Variants in ZSCAN5A observed in about 807,000 individuals in gnomAD.
ZSCAN5A encodes the protein zinc finger and SCAN domain containing 5A.
Under a neutral mutation model 23.7 loss-of-function variants are expected in ZSCAN5A, and 12 were observed. The observed-to-expected ratio is 0.51, with a 90% CI of 0.32 to 0.82. The LOEUF is 0.82. Ranked by LOEUF, ZSCAN5A falls within the 40% of genes least tolerant of loss-of-function variation. The pLI is 0.03. For synonymous variants in ZSCAN5A, 257 were observed against 239.9 expected (o/e 1.07, Z -0.66); for missense variants, 597 against 617.9 (o/e 0.97, Z 0.36).
chr19:56,303,103 T>C (rs140344067), intron 2 of ZSCAN5A: 11 of 383,820 alleles, frequency 2.9e-5, no homozygotes, highest in Non-Finnish European at 4.6e-5. Context: ...AATTAGCCAA[T>C]TGAGGAGGGG....
At position 56,361,112 on chromosome 19, in the gene ZSCAN5A, T is replaced by A. The variant is rs556411065; in HGVS notation, c.-358+2123A>T. Reference sequence around the variant, plus strand: ...TGAATATCACTGATCACTGGAGAAATGCCAATGATCACTGGAGAAATGCCA... The same window carrying A: ...TGAATATCACTGATCACTGGAGAAAAGCCAATGATCACTGGAGAAATGCCA... On this transcript the variant is annotated intron_variant, in intron 2 of 6. Coordinates refer to the ZSCAN5A transcript ENST00000587340. Among the ~76,000 whole-genome samples, 348 of 152,070 alleles carry A rather than the reference T, an allele frequency of 2.3e-3. 1 individual carries two copies. The highest frequency in any genetic ancestry group is 8.2e-3 in the African/African-American group (341 of 41,490).
intron 2 of ZSCAN5A, among the ~76,000 whole-genome samples, chr19:56,361,687 C>A (rs988413857): frequency 1.3e-5 from 2 of 152,090 alleles, no homozygotes; most frequent in African/African-American, 4.8e-5. Context: ...GGGGAACACA[C>A]ACACTGTGGC....
chr19:56,302,543 C>A (rs1486184083), intron 2 of ZSCAN5A, among the ~76,000 whole-genome samples: 1 of 52,862 alleles, frequency 1.9e-5, no homozygotes, highest in South Asian at 1.1e-3. Context: ...TTCTTCCTCC[C>A]CGTTCCTCCC....
chr19:56,265,051 G>A (rs111660560), intron 2 of ZSCAN5A, among the ~76,000 whole-genome samples: 13 of 152,220 alleles, frequency 8.5e-5, no homozygotes, highest in African/African-American at 3.1e-4. Flanking sequence ...GAACCTGGGA[G>A]GCGGAGGTTG....
intron 2 of ZSCAN5A, among the ~76,000 whole-genome samples, chr19:56,251,071 A>G (rs2036301095): frequency 6.7e-6 from 1 of 150,240 alleles, no homozygotes; most frequent in South Asian, 2.1e-4. Context: ...AATCGCTTGA[A>G]CCCGGGTGGC....
chr19:56,232,007 A>G (rs1374585214), intron 2 of ZSCAN5A, among the ~76,000 whole-genome samples: 1 of 10,908 alleles, frequency 9.2e-5, no homozygotes, highest in Non-Finnish European at 2.3e-4. Flanking sequence ...TTTTTTTTTG[A>G]GACAGTGTCT....
At chr19:56,271,229 C>T (rs2037825452) in intron 2 of ZSCAN5A, among the ~76,000 whole-genome samples, 1 of 152,170 alleles carries the variant, frequency 6.6e-6, no homozygotes, top group Admixed American at 6.5e-5. Context: ...TTCCTTATGC[C>T]AACGGCCTCC....
chr19:56,284,912 C>T, intron 2 of ZSCAN5A: 4 of 626,726 alleles, frequency 6.4e-6, no homozygotes, highest in Non-Finnish European at 8.0e-6. Context: ...GAGTTTGTTA[C>T]ATCTGTTGAA....
chr19:56,243,878 A>G (rs1212828378), intron 2 of ZSCAN5A, among the ~76,000 whole-genome samples: 4 of 152,116 alleles, frequency 2.6e-5, no homozygotes, highest in Admixed American at 2.0e-4. Flanking sequence ...GGATGGGTGG[A>G]TAGACTAGAA....
chr19:56,283,971 A>G (rs2038910346), intron 2 of ZSCAN5A: 2 of 153,272 alleles, frequency 1.3e-5, no homozygotes, highest in Non-Finnish European at 2.9e-5. Context: ...CAAATGCACG[A>G]GGGTCCTCAA....
At chr19:56,314,537 C>T (rs987044286) in intron 1 of ZSCAN5A, 144 bp downstream of exon 1, 1 of 152,310 alleles carries the variant, frequency 6.6e-6, no homozygotes, top group Non-Finnish European at 1.5e-5. Flanking sequence ...CAGTCCCATC[C>T]CCGGGCTCGG....
At position 56,224,969 on chromosome 19, in the gene ZSCAN5A, C is replaced by G; in HGVS notation, c.78G>C (p.Met26Ile). The change falls in exon 3 of 6, where the codon ATG becomes ATC. Residue 26 changes from methionine (M) to isoleucine (I), a missense_variant. Transcript: ENST00000683990. ...NRPGLELPRS[M>I]ASSETQLGNH... is the part of the protein sequence containing the mutation. ...TTCCAAGTTGAGTTTCTGAGGATGC[C>G]ATAGACCGTGGCAGCTCCAACCCAG... The G allele has an allele frequency of 6.2e-7, 1 of 1,614,208 alleles. No homozygotes were observed. Among genetic ancestry groups the G allele is most frequent in the South Asian group, 1.1e-5 (1 of 91,078 alleles).
intron 2 of ZSCAN5A, among the ~76,000 whole-genome samples, chr19:56,250,154 G>C (rs1337527849): frequency 6.6e-6 from 1 of 152,204 alleles, no homozygotes; most frequent in Admixed American, 6.5e-5. Context: ...GACACCCTGA[G>C]AGAGTGGATT....
chr19:56,260,344 A>G (rs1347234791), intron 2 of ZSCAN5A, among the ~76,000 whole-genome samples: 1 of 149,954 alleles, frequency 6.7e-6, no homozygotes, highest in Non-Finnish European at 1.5e-5. Flanking sequence ...CCTTCCTAGT[A>G]GCTGGGATTA....
At chr19:56,355,926 A>G (rs931430369) in intron 2 of ZSCAN5A, among the ~76,000 whole-genome samples, 2 of 148,834 alleles carry the variant, frequency 1.3e-5, no homozygotes, top group Non-Finnish European at 3.0e-5. Flanking sequence ...TGGGAAGACA[A>G]AGAACAGACA....
At chr19:56,317,870 G>C (rs1339858519), upstream of ZSCAN5A, 2 of 152,326 alleles carry the variant, frequency 1.3e-5, no homozygotes, top group Non-Finnish European at 2.9e-5. Flanking sequence ...GGACAGAGTA[G>C]AACAAGGCTG....
rs752570364 is a variant in ZSCAN5A at position 56,221,725 on chromosome 19, T to C, written c.1341A>G (p.Lys447=). ...EKPFECKDCK[K]VFTYRGSLKE... Reference sequence around the variant, plus strand: ...TCAGGCTCCCCCTGTAGGTGAAAACTTTCTTGCAGTCTTTACATTCGAAGG... The same window carrying C: ...TCAGGCTCCCCCTGTAGGTGAAAACCTTCTTGCAGTCTTTACATTCGAAGG... The change falls in exon 6 of 6, where the codon AAA becomes AAG. Residue 447 remains lysine, a synonymous_variant. Transcript: ENST00000683990. 4 of 1,614,114 alleles carry C rather than the reference T, an allele frequency of 2.5e-6. No individual in the cohort carries two copies. The highest frequency in any genetic ancestry group is 3.4e-6 in the Non-Finnish European group (4 of 1,180,052).
At chr19:56,328,853 G>C (rs1339965976) in intron 2 of ZSCAN5A, among the ~76,000 whole-genome samples, 6 of 151,560 alleles carry the variant, frequency 4.0e-5, no homozygotes, top group African/African-American at 1.5e-4. Flanking sequence ...AAATTAGCTG[G>C]GCATGGTGGC....
chr19:56,286,455 A>G (rs1172491052), intron 2 of ZSCAN5A: 1 of 150,308 alleles, frequency 6.7e-6, no homozygotes, highest in Non-Finnish European at 1.5e-5. Flanking sequence ...CATTCTTCAA[A>G]TGGACGTACA....
Sources: gnomAD v4.1 joint callset for allele counts (sites outside exome capture counted in the v4.1 genomes callset) on GRCh38, gnomAD v4.1.1 for gene constraint, MANE v1.5 for transcripts, NCBI Gene and HGNC (gene_info 2026-07-23, HGNC 2026-07-21) for gene names.